The following SMARCB1 variants were observed in gnomAD, a reference collection of about 807,000 sequenced individuals.
The protein encoded by SMARCB1 is SWI/SNF-related matrix-associated actin-dependent regulator of chromatin subfamily B member 1.
Under a neutral mutation model 49.0 loss-of-function variants are expected in SMARCB1, and 5 were observed. The observed-to-expected ratio is 0.10, with a 90% CI of 0.05 to 0.21. SMARCB1 has a LOEUF of 0.21. Ranked by LOEUF, SMARCB1 falls within the 10% of genes least tolerant of loss-of-function variation. The pLI is 1.00. For missense variants in SMARCB1, 226 were observed against 509.2 expected (o/e 0.44, Z 5.35); for synonymous variants, 201 against 200.1 (o/e 1.00, Z -0.04).
In SMARCB1 at chr22:23,800,995, C is replaced by T. The variant is rs2145978348; in HGVS notation, c.414C>T (p.Ser138=). The T allele has an allele frequency of 1.2e-6, 2 of 1,614,158 alleles. No homozygotes were observed. Among genetic ancestry groups the T allele is most frequent in the Non-Finnish European group, 1.7e-6 (2 of 1,179,980 alleles). Residue 138 remains serine, a synonymous_variant, in exon 4 of 9, where the codon AGC becomes AGT. Coordinates refer to ENST00000644036, the MANE Select transcript of SMARCB1 (RefSeq NM_003073.5). The part of the protein sequence containing the change: ...NSQWVPTLPN[S]SHHLDAVPCS... ...AGTGGGTACCCACCCTGCCCAACAG[C>T]TCCCACCACTTAGATGCCGTGCCAT... is the stretch of plus-strand genomic sequence containing the variant.
In SMARCB1 at chr22:23,836,528, G is replaced by A; in HGVS notation, c.*2348G>A. 1 of 1,041,210 alleles carries A rather than the reference G, an allele frequency of 9.6e-7. No individual in the cohort carries two copies. Among genetic ancestry groups the A allele is most frequent in the Non-Finnish European group, 1.2e-6 (1 of 867,632 alleles). 64.5% of individuals were successfully genotyped at this position (1,041,210 alleles called of 1,614,324 possible). A position where few individuals can be genotyped will look rare whatever the true frequency, so the allele number is the denominator to read the frequency against. ...GGGCCAGGATGAGAACCCTGAGCCT[G>A]TCACCTGTGAGCTCAAAAGCTCTGC... On this transcript the variant is annotated 3_prime_UTR_variant, in exon 9 of 9. Coordinates refer to ENST00000644036, the MANE Select transcript of SMARCB1 (RefSeq NM_003073.5).
intron 3 of SMARCB1, among the ~76,000 whole-genome samples, chr22:23,799,961 G>A (rs2145976494): frequency 6.6e-6 from 1 of 151,994 alleles, no homozygotes; most frequent in East Asian, 1.9e-4. Flanking sequence ...TGGGATTACA[G>A]GCGTGAGCCA....
intron 3 of SMARCB1, among the ~76,000 whole-genome samples, chr22:23,799,503 C>G (rs12167679): frequency 0.21 from 27,945 of 130,412 alleles, 2,999 homozygotes; most frequent in Middle Eastern, 0.34. Context: ...GTTTCGAACT[C>G]ACCTTTTGGT....
chr22:23,813,823 T>TTTA (rs1178617394), intron 5 of SMARCB1, among the ~76,000 whole-genome samples: 9 of 141,322 alleles, frequency 6.4e-5, no homozygotes, highest in African/African-American at 1.9e-4. Context: ...AAGCAATTTA[T>TTTA]TTATTATTAT....
rs904815018 is a variant in SMARCB1 at position 23,836,471 on chromosome 22, A to G, written c.*2291A>G. On this transcript the variant is annotated 3_prime_UTR_variant, in exon 9 of 9. Coordinates refer to ENST00000644036, the MANE Select transcript of SMARCB1 (RefSeq NM_003073.5). ...GCTGACTGGCAGGTAGCAGAGGCCT[A>G]TGGTGGGCAGGACTTGCCCAAGGCC... The G allele has an allele frequency of 1.1e-5, 11 of 997,152 alleles. No individual in the cohort carries two copies. The highest frequency in any genetic ancestry group is 1.3e-5 in the Non-Finnish European group (11 of 838,242). 61.8% of individuals were successfully genotyped at this position (997,152 alleles called of 1,614,324 possible). A position where few individuals can be genotyped will look rare whatever the true frequency, so the allele number is the denominator to read the frequency against.
Position 23,835,556 on chromosome 22 carries a change from T to C in SMARCB1, c.*1376T>C. 1.0e-6 allele frequency: 1 copy of C among 985,468 alleles called. No individual in the cohort carries two copies. The highest frequency in any genetic ancestry group is 1.7e-5 in the African/African-American group (1 of 57,364). 61.0% of individuals were successfully genotyped at this position (985,468 alleles called of 1,614,324 possible). On this transcript the variant is annotated 3_prime_UTR_variant, in exon 9 of 9. Coordinates refer to ENST00000644036, the MANE Select transcript of SMARCB1 (RefSeq NM_003073.5). ...TAGCATGGGACTCTTCCCAGGGAGT[T>C]TGCACTCAGGGCCTCTGCCCTCCAT...
intron 7 of SMARCB1, among the ~76,000 whole-genome samples, chr22:23,829,382 AAGGTGGGCCCTGTGGATCAGGC>A (rs1214522446): frequency 1.1e-4 from 17 of 152,182 alleles, no homozygotes; most frequent in African/African-American, 3.6e-4. Flanking sequence ...CTTGAGAAGG[AAGGTGGGCCCTGTGGATCAGGC>A]AGGGTATCTG....
At chr22:23,821,517 G>A (rs1162187104) in intron 6 of SMARCB1, among the ~76,000 whole-genome samples, 1 of 151,738 alleles carries the variant, frequency 6.6e-6, no homozygotes, top group Non-Finnish European at 1.5e-5. Context: ...CTATAAGCAC[G>A]TACCACCATG....
chr22:23,795,877 G>A (rs569458068), intron 3 of SMARCB1, among the ~76,000 whole-genome samples: 174 of 143,482 alleles, frequency 1.2e-3, no homozygotes, highest in African/African-American at 3.6e-3. Flanking sequence ...TGCAACCTCC[G>A]CCTCCTGGGT....
intron 5 of SMARCB1, among the ~76,000 whole-genome samples, chr22:23,812,738 C>A (rs549960911): frequency 2.6e-4 from 39 of 152,056 alleles, no homozygotes; most frequent in Non-Finnish European, 4.0e-4. Context: ...AGGATCAGAT[C>A]AGTTGATACA....
chr22:23,819,782 AG>A (rs144337632), intron 6 of SMARCB1, among the ~76,000 whole-genome samples: 18,628 of 150,764 alleles, frequency 0.12, 1,261 homozygotes, highest in South Asian at 0.27. Context: ...AGCAAGGCGC[AG>A]GGGTTCCAGT....
chr22:23,789,632 A>G (rs1258880718), intron 1 of SMARCB1, among the ~76,000 whole-genome samples: 3 of 152,222 alleles, frequency 2.0e-5, no homozygotes, highest in East Asian at 3.8e-4. Context: ...CTTGTCTTTC[A>G]GCCCCTTGAC....
chr22:23,829,452 C>A (rs1848790732), intron 7 of SMARCB1, among the ~76,000 whole-genome samples: 1 of 152,166 alleles, frequency 6.6e-6, no homozygotes, highest in African/African-American at 2.4e-5. Flanking sequence ...CCTACACGTA[C>A]AGGGTGGGGA....
At chr22:23,812,486 C>T (rs879550490) in intron 5 of SMARCB1, among the ~76,000 whole-genome samples, 9 of 151,912 alleles carry the variant, frequency 5.9e-5, no homozygotes, top group Non-Finnish European at 1.3e-4. Flanking sequence ...TTATAAAGCT[C>T]GTATTACCTA....
Position 23,801,083 on chromosome 22 carries a change from T to C in SMARCB1, c.500+2T>C. The C allele has an allele frequency of 6.2e-7, 1 of 1,614,224 alleles. No individual in the cohort carries two copies. The highest frequency in any genetic ancestry group is 8.5e-7 in the Non-Finnish European group (1 of 1,180,028). On this transcript the variant is annotated splice_donor_variant, in intron 4 of 8. Transcript: ENST00000644036. LOFTEE classifies it high-confidence loss of function. ...CAAGAAGAGAACCTTCCCCCTTTGG[T>C]GTGGATGCATCGCTGCACTCACCCT...
At chr22:23,814,671 A>G (rs1930077110) in intron 5 of SMARCB1, among the ~76,000 whole-genome samples, 2 of 150,966 alleles carry the variant, frequency 1.3e-5, no homozygotes, top group African/African-American at 4.9e-5. Flanking sequence ...GTCCCAAAAA[A>G]GCAACAACAA....
At chr22:23,807,941 C>T (rs1253272354) in intron 5 of SMARCB1, among the ~76,000 whole-genome samples, 8 of 148,098 alleles carry the variant, frequency 5.4e-5, no homozygotes, top group Admixed American at 2.0e-4. Context: ...ACTACAGGTG[C>T]CCACCACCAC....
chr22:23,828,202 G>A (rs1357277428), intron 7 of SMARCB1, among the ~76,000 whole-genome samples: 4 of 152,104 alleles, frequency 2.6e-5, no homozygotes, highest in East Asian at 1.9e-4. Flanking sequence ...ACAGGTGCCC[G>A]CCACCACGCC....
At chr22:23,801,178 G>C in intron 4 of SMARCB1, 97 bp downstream of exon 4, 1 of 1,564,146 alleles carries the variant, frequency 6.4e-7, no homozygotes, top group Non-Finnish European at 8.8e-7. Flanking sequence ...ACTCTGCTTT[G>C]ACCTTGTGCT....
Sources: gnomAD v4.1 joint callset for allele counts (sites outside exome capture counted in the v4.1 genomes callset) on GRCh38, gnomAD v4.1.1 for gene constraint, MANE v1.5 for transcripts, NCBI Gene and HGNC (gene_info 2026-07-23, HGNC 2026-07-21) for gene names.